The following TYW1 variants were observed in gnomAD, a reference collection of about 807,000 sequenced individuals.
TYW1 encodes tRNA-yW synthesizing protein 1 homolog.
TYW1 carries 46 observed loss-of-function variants against 96.2 expected under a neutral mutation model. That is an observed-to-expected ratio of 0.48 (90% confidence interval 0.38 to 0.61). The LOEUF is 0.61. Ranked by LOEUF, TYW1 falls within the 20% of genes least tolerant of loss-of-function variation. The pLI, the probability that TYW1 is intolerant of heterozygous loss-of-function variation, is 0.00. For synonymous variants in TYW1, 274 were observed against 323.0 expected, an observed-to-expected ratio of 0.85 and a Z score of 1.63; for missense variants, 684 against 909.6, an observed-to-expected ratio of 0.75 and a Z score of 3.19.
chr7:67,153,289 C>G (rs1333841358), intron 13 of TYW1, among the ~76,000 whole-genome samples: 3 of 152,164 alleles, frequency 2.0e-5, no homozygotes, highest in African/African-American at 7.2e-5. Context: ...AGCCCCATCT[C>G]TACTAAAAAT....
chr7:67,005,506 C>G (rs550404693), intron 3 of TYW1, among the ~76,000 whole-genome samples: 3 of 152,276 alleles, frequency 2.0e-5, no homozygotes, highest in South Asian at 4.1e-4. Context: ...TGAGGTGGGA[C>G]GATTGCTTGA....
chr7:67,100,419 G>T (rs994527991), intron 12 of TYW1, among the ~76,000 whole-genome samples: 2 of 151,810 alleles, frequency 1.3e-5, no homozygotes, highest in African/African-American at 4.8e-5. Context: ...ATTTATCTCG[G>T]TGCATTTTTT....
intron 6 of TYW1, among the ~76,000 whole-genome samples, chr7:67,021,991 G>C (rs2095395418): frequency 6.6e-6 from 1 of 152,170 alleles, no homozygotes; most frequent in African/African-American, 2.4e-5. Flanking sequence ...GCTCACTGCA[G>C]CCTCTAACTC....
At chr7:67,017,728 T>C (rs759975359) in intron 5 of TYW1, 125 bp from the exon 6 acceptor site, 1 of 1,348,812 alleles carries the variant, frequency 7.4e-7, no homozygotes, top group Non-Finnish European at 1.0e-6. Flanking sequence ...TTGCCAGCAA[T>C]TTCCTCTTCC....
chr7:67,152,707 T>C (rs1477466249), intron 13 of TYW1, among the ~76,000 whole-genome samples: 1 of 152,146 alleles, frequency 6.6e-6, no homozygotes, highest in Non-Finnish European at 1.5e-5. Context: ...GTTCAAGTGA[T>C]TCTCCTGCCT....
chr7:67,152,766 T>A (rs1798843627), intron 13 of TYW1, among the ~76,000 whole-genome samples: 2 of 152,042 alleles, frequency 1.3e-5, no homozygotes, highest in South Asian at 4.2e-4. Context: ...CACGCCTGGC[T>A]CATTTTTGTA....
chr7:67,083,326 C>A, intron 10 of TYW1, 104 bp from the exon 11 acceptor site: 2 of 1,131,038 alleles, frequency 1.8e-6, no homozygotes, highest in South Asian at 1.4e-5. Context: ...AGGAGGAAAC[C>A]AGTCCTGATT....
At chr7:67,124,357 CCT>C (rs1412626920) in intron 13 of TYW1, among the ~76,000 whole-genome samples, 1 of 152,104 alleles carries the variant, frequency 6.6e-6, no homozygotes, top group East Asian at 1.9e-4. Context: ...CCTCAGCCTC[CCT>C]AGTAATTGGG....
intron 13 of TYW1, among the ~76,000 whole-genome samples, chr7:67,159,129 C>G (rs1265500149): frequency 6.6e-6 from 1 of 152,078 alleles, no homozygotes; most frequent in African/African-American, 2.4e-5. Context: ...TGATTTTTTT[C>G]ACTTAGTAAT....
chr7:67,053,951 C>T (rs1432601073), intron 8 of TYW1, among the ~76,000 whole-genome samples: 1 of 152,180 alleles, frequency 6.6e-6, no homozygotes, highest in East Asian at 1.9e-4. Context: ...CAAGAGTCCA[C>T]TGGGCTTCGC....
In TYW1 at chr7:66,997,658, T is replaced by G. The variant is rs1350203141; in HGVS notation, c.5-407T>G. Among the ~76,000 whole-genome samples, 22 of 114,944 alleles carry G rather than the reference T, an allele frequency of 1.9e-4. No homozygotes were observed. The South Asian group carries it at 6.7e-3, about 35-fold the overall frequency. The allele number at this position is 114,944 out of a possible 152,430, so 75.4% of individuals were successfully genotyped here. ...ACCCCCCCGCCCCCGAGATGGAGCC[T>G]TGCTCTGTCGCCCAGGCTGGAGTGC... On this transcript the variant is annotated intron_variant, in intron 1 of 15. Coordinates refer to ENST00000359626, the MANE Select transcript of TYW1 (RefSeq NM_018264.4).
intron 13 of TYW1, among the ~76,000 whole-genome samples, chr7:67,171,930 A>T (rs1799526555): frequency 6.6e-6 from 1 of 152,038 alleles, no homozygotes; most frequent in Admixed American, 6.5e-5. Context: ...TTACCCAAAA[A>T]TTTTCTCTCT....
At chr7:67,011,873 CAAAA>C (rs570299951) in intron 4 of TYW1, among the ~76,000 whole-genome samples, 3 of 91,734 alleles carry the variant, frequency 3.3e-5, no homozygotes, top group South Asian at 3.4e-4. Flanking sequence ...ATCTCCGTCT[CAAAA>C]AAAAAAAAAA....
At chr7:67,065,514 T>C (rs527528737) in intron 9 of TYW1, among the ~76,000 whole-genome samples, 9 of 152,244 alleles carry the variant, frequency 5.9e-5, no homozygotes, top group Non-Finnish European at 1.3e-4. Flanking sequence ...TTCAGTGCTA[T>C]TTACAAGATT....
intron 7 of TYW1, among the ~76,000 whole-genome samples, chr7:67,033,239 G>T (rs903317860): frequency 9.9e-5 from 15 of 152,030 alleles, no homozygotes; most frequent in African/African-American, 3.6e-4. Context: ...TCTGTGCCCT[G>T]TCCCTCTGGC....
intron 12 of TYW1, among the ~76,000 whole-genome samples, chr7:67,117,086 C>G (rs1797619347): frequency 6.6e-6 from 1 of 152,146 alleles, no homozygotes; most frequent in Admixed American, 6.5e-5. Context: ...GGTGGCCCAG[C>G]AGCACAGACC....
At chr7:67,103,378 T>C (rs941034619) in intron 12 of TYW1, among the ~76,000 whole-genome samples, 5 of 152,220 alleles carry the variant, frequency 3.3e-5, no homozygotes, top group Non-Finnish European at 7.3e-5. Context: ...ATGAAAGATT[T>C]GAATTATCTA....
chr7:67,184,521 A>G (rs1477296132), intron 14 of TYW1, among the ~76,000 whole-genome samples: 2 of 151,620 alleles, frequency 1.3e-5, no homozygotes, highest in South Asian at 4.2e-4. Flanking sequence ...TGCTGGGTCA[A>G]AGGGTAAATG....
intron 13 of TYW1, among the ~76,000 whole-genome samples, chr7:67,168,098 T>C (rs9654852): frequency 0.2 from 25,007 of 125,340 alleles, 3,522 homozygotes; most frequent in African/African-American, 0.33. Flanking sequence ...AAGAAATTTC[T>C]TTTTATTCCT....
Sources: allele counts gnomAD v4.1 joint callset (sites outside exome capture counted in the v4.1 genomes callset), GRCh38; gene constraint gnomAD v4.1.1; transcripts MANE v1.5; gene names NCBI Gene and HGNC (gene_info 2026-07-23, HGNC 2026-07-21).